RAPGEF6: variants seen among roughly 807,000 people sequenced by gnomAD.
RAPGEF6 encodes the protein PDZ domain containing guanine nucleotide exchange factor (GEF) 2.
A neutral mutation model predicts 171.4 loss-of-function variants in RAPGEF6; 56 were observed. The observed-to-expected ratio is 0.33, with a 90% CI of 0.26 to 0.41. The LOEUF is 0.41. Ranked by LOEUF, RAPGEF6 falls within the 10% of genes least tolerant of loss-of-function variation. RAPGEF6 has a pLI of 1.00. For synonymous variants in RAPGEF6, 692 were observed against 650.1 expected, an observed-to-expected ratio of 1.06 and a Z score of -0.98; for missense variants, 1,674 against 1,921.4, an observed-to-expected ratio of 0.87 and a Z score of 2.41.
intron 7 of RAPGEF6, among the ~76,000 whole-genome samples, chr5:131,518,883 T>C (rs1758281533): frequency 6.6e-6 from 1 of 152,202 alleles, no homozygotes; most frequent in Non-Finnish European, 1.5e-5. Flanking sequence ...CTAAATTCAT[T>C]CCCACTTTTA....
intron 23 of RAPGEF6, chr5:131,439,991 T>C (rs997123809): frequency 3.1e-5 from 15 of 477,662 alleles, no homozygotes; most frequent in Non-Finnish European, 5.2e-5. Context: ...ACAGTCTGAG[T>C]GCTATGCCCC....
Position 131,510,397 on chromosome 5 carries a change from T to A in RAPGEF6, c.722A>T (p.Asp241Val). ...EDDEEEDEEIDRTDPLQGRDL... is the reference protein window; with the variant it reads ...EDDEEEDEEIVRTDPLQGRDL... ...TCGCCCCTGCAATGGATCTGTTCGA[T>A]CAATCTCTTCATCTTCCTCTTCGTC... is the stretch of plus-strand genomic sequence containing the variant. The change falls in exon 8 of 28, where the codon GAT becomes GTT. Residue 241 changes from aspartate to valine, a missense_variant. This residue lies in a region of RAPGEF6 where 1,116 missense variants were observed against 1,321.5 expected (regional missense o/e 0.84). Coordinates refer to ENST00000509018, the MANE Select transcript of RAPGEF6 (RefSeq NM_016340.6). 1.2e-6 allele frequency: 2 copies of A among 1,614,150 alleles called. No homozygotes were observed. The highest frequency in any genetic ancestry group is 2.2e-5 in the South Asian group (2 of 91,078).
intron 4 of RAPGEF6, among the ~76,000 whole-genome samples, chr5:131,587,940 C>CTTAG (rs1396497275): frequency 6.6e-6 from 1 of 151,648 alleles, no homozygotes; most frequent in African/African-American, 2.4e-5. Flanking sequence ...GAGTAAAGAT[C>CTTAG]TTAGGTCCAC....
intron 16 of RAPGEF6, among the ~76,000 whole-genome samples, chr5:131,475,401 C>A (rs1228837572): frequency 6.6e-6 from 1 of 152,062 alleles, no homozygotes; most frequent in Non-Finnish European, 1.5e-5. Flanking sequence ...TACTTGGTTT[C>A]ATATTATGAA....
intron 3 of RAPGEF6, among the ~76,000 whole-genome samples, chr5:131,594,721 C>T (rs1763791664): frequency 6.6e-6 from 1 of 152,236 alleles, no homozygotes; most frequent in African/African-American, 2.4e-5. Flanking sequence ...GAGCCCACCA[C>T]TTGCCTCAGG....
intron 3 of RAPGEF6, among the ~76,000 whole-genome samples, chr5:131,593,052 G>C (rs1763682662): frequency 6.6e-6 from 1 of 152,092 alleles, no homozygotes; most frequent in African/African-American, 2.4e-5. Context: ...GATTAAAACA[G>C]ACAATTCTTA....
intron 17 of RAPGEF6, 94 bp from the exon 18 acceptor site, chr5:131,464,375 C>T (rs1320237708): frequency 1.1e-6 from 1 of 876,090 alleles, no homozygotes; most frequent in East Asian, 2.6e-5. Context: ...TCCCTCTGAA[C>T]ACTGAAATAT....
At chr5:131,630,463 G>A (rs1766231194) in intron 1 of RAPGEF6, among the ~76,000 whole-genome samples, 1 of 152,146 alleles carries the variant, frequency 6.6e-6, no homozygotes. Flanking sequence ...GTATCTGGGA[G>A]GTATGTCTGT....
At chr5:131,536,130 A>G (rs1057220526) in intron 6 of RAPGEF6, among the ~76,000 whole-genome samples, 1 of 152,198 alleles carries the variant, frequency 6.6e-6, no homozygotes, top group South Asian at 2.1e-4. Flanking sequence ...TAAAGAGGAT[A>G]TTCATTTCTG....
In RAPGEF6 at chr5:131,537,757, G is replaced by GA. The variant is rs796251645; in HGVS notation, c.495+10289dup. On this transcript the variant is annotated intron_variant, in intron 6 of 27. Transcript: ENST00000509018. ...ATGGGTTCTGTACCTGCAGATTGAA[G>GA]AAACTGCAGACAGAAAATATTTTGG... Among the ~76,000 whole-genome samples the GA allele has an allele frequency of 3.9e-5, 6 of 152,244 alleles. No individual in the cohort carries two copies. In the South Asian group the frequency reaches 1.2e-3, roughly 32 times the overall value.
At chr5:131,440,737 C>CAAAAAAAAAAAAAAAAAA (rs1168441695) in intron 23 of RAPGEF6, among the ~76,000 whole-genome samples, 1 of 66,858 alleles carries the variant, frequency 1.5e-5, no homozygotes, top group Non-Finnish European at 3.1e-5. Context: ...GACTCTGTCT[C>CAAAAAAAAAAAAAAAAAA]AAAAAAAAAA....
chr5:131,599,417 CATGAGCAAAATAAACAA>C (rs1211027319), intron 3 of RAPGEF6, among the ~76,000 whole-genome samples: 2 of 152,028 alleles, frequency 1.3e-5, no homozygotes, highest in African/African-American at 2.4e-5. Context: ...TGAACACAGG[CATGAGCAAAATAAACAA>C]ATGAGCAAAA....
chr5:131,429,221 C>T lies in RAPGEF6; in HGVS notation c.4466-5G>A. ...TGGGTGAGGTGACACAGTACACTGGCATGAAAAATAAGCAATGAAAATGTT... is the reference window on the plus strand; with the variant it reads ...TGGGTGAGGTGACACAGTACACTGGTATGAAAAATAAGCAATGAAAATGTT... On this transcript the variant is annotated splice_polypyrimidine_tract_variant and splice_region_variant and intron_variant, in intron 26 of 27. Transcript: ENST00000509018. The T allele has an allele frequency of 6.6e-7, 1 of 1,521,854 alleles. No homozygotes were observed. Among genetic ancestry groups the T allele is most frequent in the East Asian group, 2.3e-5 (1 of 42,970 alleles). 94.3% of individuals were successfully genotyped at this position (1,521,854 alleles called of 1,614,324 possible).
chr5:131,530,811 A>C (rs1022026291), intron 6 of RAPGEF6, among the ~76,000 whole-genome samples: 3 of 152,196 alleles, frequency 2.0e-5, no homozygotes, highest in African/African-American at 7.2e-5. Flanking sequence ...GGTTACCTTA[A>C]AAAACAACCC....
At chr5:131,588,889 A>G (rs1345915445) in intron 4 of RAPGEF6, among the ~76,000 whole-genome samples, 1 of 152,060 alleles carries the variant, frequency 6.6e-6, no homozygotes, top group Non-Finnish European at 1.5e-5. Flanking sequence ...CCTGGCCAAC[A>G]TGGTACCCTG....
intron 4 of RAPGEF6, among the ~76,000 whole-genome samples, chr5:131,586,553 C>A (rs1025165273): frequency 6.6e-6 from 1 of 152,124 alleles, no homozygotes; most frequent in Non-Finnish European, 1.5e-5. Flanking sequence ...ATTGCTTGAA[C>A]CTGGGAGGTG....
intron 4 of RAPGEF6, among the ~76,000 whole-genome samples, chr5:131,583,216 T>C (rs935248491): frequency 1.3e-5 from 2 of 152,140 alleles, no homozygotes; most frequent in African/African-American, 4.8e-5. Flanking sequence ...CAGAGAAACC[T>C]TGAAAACTGA....
At chr5:131,549,715 T>TC (rs1760792714) in intron 5 of RAPGEF6, among the ~76,000 whole-genome samples, 1 of 152,038 alleles carries the variant, frequency 6.6e-6, no homozygotes, top group African/African-American at 2.4e-5. Flanking sequence ...ATGGTCTCTC[T>TC]CTTTTTTTTA....
intron 3 of RAPGEF6, among the ~76,000 whole-genome samples, chr5:131,595,974 G>A (rs1004842979): frequency 6.6e-5 from 10 of 152,004 alleles, no homozygotes; most frequent in South Asian, 2.1e-4. Context: ...CCAACATGGC[G>A]AAACCCTGTC....
Sources: allele counts gnomAD v4.1 joint callset (sites outside exome capture counted in the v4.1 genomes callset), GRCh38; gene constraint gnomAD v4.1.1; regional missense constraint gnomAD v4.1.1; transcripts MANE v1.5; gene names NCBI Gene and HGNC (gene_info 2026-07-23, HGNC 2026-07-21).